Variants in MLLT10 observed in about 807,000 individuals in gnomAD.
The protein encoded by MLLT10 is MLLT10 histone lysine methyltransferase DOT1L cofactor, also known as protein AF-10.
A neutral mutation model predicts 129.1 loss-of-function variants in MLLT10; 30 were observed. The ratio of observed to expected loss-of-function variants is 0.23; its 90% CI spans 0.17 to 0.32. The LOEUF is 0.32. MLLT10 is among the 10% of genes least tolerant of loss of function. MLLT10 has a pLI of 1.00. For synonymous variants in MLLT10, 490 were observed against 446.4 expected (o/e 1.10, Z -1.23); for missense variants, 1,119 against 1,268.3 (o/e 0.88, Z 1.79).
At chr10:21,738,922 G>A (rs2058605692) in intron 21 of MLLT10, among the ~76,000 whole-genome samples, 2 of 152,124 alleles carry the variant, frequency 1.3e-5, no homozygotes, top group African/African-American at 2.4e-5. Flanking sequence ...TCTCCAGCCA[G>A]ACCTCTCTCT....
chr10:21,673,264 C>T lies in MLLT10; in HGVS notation c.1052-86C>T. The T allele has an allele frequency of 6.0e-6, 5 of 829,056 alleles. No individual in the cohort carries two copies. In the Admixed American group the frequency reaches 1.2e-4, roughly 19 times the overall value. 51.4% of individuals were successfully genotyped at this position (829,056 alleles called of 1,614,324 possible). The stretch of plus-strand genomic sequence containing the variant: ...CTTCTCTTTAATGATTATATCATGT[C>T]TGCTGCTTATGGGAACTTTAGCATC... On this transcript the variant is annotated intron_variant, in intron 10 of 22. Coordinates refer to ENST00000307729, the MANE Select transcript of MLLT10 (RefSeq NM_001195626.3).
chr10:21,599,014 C>T (rs1290957724), intron 5 of MLLT10, among the ~76,000 whole-genome samples: 2 of 151,916 alleles, frequency 1.3e-5, no homozygotes, highest in East Asian at 3.9e-4. Context: ...CCCGTCTCTA[C>T]TAAAAAATAC....
chr10:21,651,158 G>A (rs1357160954), intron 8 of MLLT10, among the ~76,000 whole-genome samples: 2 of 152,028 alleles, frequency 1.3e-5, no homozygotes, highest in South Asian at 2.1e-4. Flanking sequence ...CACAACCTCC[G>A]CCTCCTGGGT....
intron 3 of MLLT10, among the ~76,000 whole-genome samples, chr10:21,577,186 G>A (rs1426305471): frequency 6.6e-6 from 1 of 152,166 alleles, no homozygotes; most frequent in East Asian, 1.9e-4. Flanking sequence ...TTGTTTTGTA[G>A]CATTAGAACT....
At chr10:21,534,924 AGGGTCCGCGGC>A (rs1159542536) in intron 2 of MLLT10, 120 bp downstream of exon 2, 1 of 647,360 alleles carries the variant, frequency 1.5e-6, no homozygotes, top group Admixed American at 6.3e-5. Flanking sequence ...AGGGACGCGG[AGGGTCCGCGGC>A]GGGGCGCGGG....
At chr10:21,730,836 G>A in intron 16 of MLLT10, 64 bp from the exon 17 acceptor site, 6 of 1,572,312 alleles carry the variant, frequency 3.8e-6, no homozygotes, top group Non-Finnish European at 4.4e-6. Flanking sequence ...TCAGCTTAAG[G>A]TAAGAAACTG....
Position 21,727,935 on chromosome 10 carries a change from G to GCTATTTACA in MLLT10, c.2063+10_2063+18dup. On this transcript the variant is annotated splice_region_variant and intron_variant, in intron 16 of 22. Coordinates refer to ENST00000307729, the MANE Select transcript of MLLT10 (RefSeq NM_001195626.3). ...GAGGAAGTCTCTCGCCACGGTAAGC[G>GCTATTTACA]CTATTTACACTGCAAAGTATAGGCA... 1 of 1,613,294 alleles carries GCTATTTACA rather than the reference G, an allele frequency of 6.2e-7. No individual in the cohort carries two copies.
Position 21,688,470 on chromosome 10 carries a change from T to C in MLLT10, c.1699+6213T>C, listed in dbSNP as rs774447037. ...GAAGTGGTGATTAAAAATCTGAAAT[T>C]AAAGTGTGTCTTTTCTTTAGACAGA... On this transcript the variant is annotated intron_variant, in intron 13 of 22. Transcript: ENST00000307729. 3.7e-6 allele frequency: 6 copies of C among 1,602,632 alleles called. No individual in the cohort carries two copies. In the African/African-American group the frequency reaches 5.4e-5, roughly 14 times the overall value.
chr10:21,724,049 C>G (rs1447346736), intron 14 of MLLT10, among the ~76,000 whole-genome samples: 2 of 152,194 alleles, frequency 1.3e-5, no homozygotes, highest in African/African-American at 4.8e-5. Flanking sequence ...CTACTAAATA[C>G]ATGGTAAGTG....
Position 21,534,312 on chromosome 10 carries a change from C to T in MLLT10, c.-209C>T, listed in dbSNP as rs575143252. 3.1e-5 allele frequency: 12 copies of T among 381,744 alleles called. 1 individual carries two copies. The highest frequency in any genetic ancestry group is 5.2e-5 in the Non-Finnish European group (11 of 213,356). The allele number at this position is 381,744 out of a possible 1,614,324, so 23.6% of individuals were successfully genotyped here. ...TGCCCCTGGCCCAGCGGGAGCCCCC[C>T]CTCCCCCCAGTGCGCCTGTGCGGAG... On this transcript the variant is annotated 5_prime_UTR_variant, in exon 1 of 23. Coordinates refer to ENST00000307729, the MANE Select transcript of MLLT10 (RefSeq NM_001195626.3).
chr10:21,651,726 A>G lies in MLLT10; in HGVS notation c.753A>G (p.Pro251=), dbSNP rs2131323102. ...HKQKHKKQPE[P]SPALVPSLTV... Reference sequence around the variant, plus strand: ...AGAAACACAAGAAGCAGCCAGAACCATCACCTGCATTGGTTCCATCCTTGA... The same window carrying G: ...AGAAACACAAGAAGCAGCCAGAACCGTCACCTGCATTGGTTCCATCCTTGA... Residue 251 remains proline (P), a synonymous_variant, in exon 9 of 23, where the codon CCA becomes CCG. Transcript: ENST00000307729. The G allele has an allele frequency of 3.1e-6, 5 of 1,613,516 alleles. No homozygotes were observed. Among genetic ancestry groups the G allele is most frequent in the South Asian group, 2.2e-5 (2 of 90,972 alleles).
rs369280219 is a variant in MLLT10 at position 21,673,526 on chromosome 10, G to A, written c.1228G>A (p.Gly410Arg). ...AGGAGAGTCTGGAAGCCAGGAAGGG[G>A]GGGTAAATAGTTTTAGTACCTTAAT... ...HKGESGSQEG[G>R]VNSFSTLIGL... Residue 410 changes from glycine (G) to arginine (R), a missense_variant, in exon 11 of 23, where the codon GGG becomes AGG. Gly to Arg is a moderately radical substitution (Grantham distance 125). Coordinates refer to ENST00000307729, the MANE Select transcript of MLLT10 (RefSeq NM_001195626.3). 6.8e-5 allele frequency: 109 copies of A among 1,613,460 alleles called. No individual in the cohort carries two copies. Among genetic ancestry groups the A allele is most frequent in the Non-Finnish European group, 4.0e-5 (47 of 1,179,872 alleles).
At chr10:21,736,790 G>C (rs1231664970) in intron 21 of MLLT10, among the ~76,000 whole-genome samples, 1 of 152,186 alleles carries the variant, frequency 6.6e-6, no homozygotes, top group Non-Finnish European at 1.5e-5. Flanking sequence ...TTGCACAGTA[G>C]GTGTCTGGAG....
At chr10:21,731,522 AC>A (rs1288282739) in intron 17 of MLLT10, among the ~76,000 whole-genome samples, 2 of 152,152 alleles carry the variant, frequency 1.3e-5, no homozygotes, top group Non-Finnish European at 2.9e-5. Flanking sequence ...GTCTTCTCTT[AC>A]CCCAATTGTT....
At chr10:21,673,318 C>CTT (rs397719980) in intron 10 of MLLT10, 32 bp from the exon 11 acceptor site, 414 of 307,328 alleles carry the variant, frequency 1.3e-3, no homozygotes, top group East Asian at 2.5e-3. Context: ...CACCCCCCAA[C>CTT]TTTTTTTTTT....
intron 13 of MLLT10, among the ~76,000 whole-genome samples, chr10:21,712,079 A>G (rs1377843701): frequency 6.6e-6 from 1 of 152,226 alleles, no homozygotes; most frequent in Admixed American, 6.5e-5. Context: ...GAAATTGTAG[A>G]TATAAAAAAG....
At chr10:21,633,077 C>T (rs1024500628) in intron 8 of MLLT10, among the ~76,000 whole-genome samples, 2 of 152,032 alleles carry the variant, frequency 1.3e-5, no homozygotes, top group African/African-American at 4.8e-5. Context: ...ATTTAGAAAC[C>T]ATGTAAATTG....
At chr10:21,637,794 C>A (rs996142067) in intron 8 of MLLT10, among the ~76,000 whole-genome samples, 1 of 152,180 alleles carries the variant, frequency 6.6e-6, no homozygotes, top group Non-Finnish European at 1.5e-5. Flanking sequence ...AACAACCTAC[C>A]AAGTACCATC....
At chr10:21,682,526 T>C (rs906467422) in intron 13 of MLLT10, among the ~76,000 whole-genome samples, 1 of 152,228 alleles carries the variant, frequency 6.6e-6, no homozygotes, top group Non-Finnish European at 1.5e-5. Context: ...TTTTTATTTT[T>C]ACAAATGGTT....
Sources: gnomAD v4.1 joint callset for allele counts (sites outside exome capture counted in the v4.1 genomes callset) on GRCh38, gnomAD v4.1.1 for gene constraint, MANE v1.5 for transcripts, NCBI Gene and HGNC (gene_info 2026-07-23, HGNC 2026-07-21) for gene names.